RPTOR: variants seen among roughly 807,000 people sequenced by gnomAD.
The protein encoded by RPTOR is regulatory associated protein of MTOR complex 1.
In RPTOR, 21 loss-of-function variants were observed where a neutral mutation model predicts 169.9. That is an observed-to-expected ratio of 0.12 (90% CI 0.09 to 0.18). The LOEUF (loss-of-function observed/expected upper bound fraction) is 0.18, where lower values mean the gene tolerates loss of function less well. Among genes scored for constraint, RPTOR ranks in the 10% least tolerant of loss-of-function variants. The probability of loss-of-function intolerance (pLI) is 1.00; values close to 1 mark genes in which losing one functional copy is unlikely to be tolerated. For synonymous variants in RPTOR, 732 were observed against 753.2 expected, an observed-to-expected ratio of 0.97 and a Z score of 0.46; for missense variants, 1,133 against 1,855.9, an observed-to-expected ratio of 0.61 and a Z score of 7.16.
intron 5 of RPTOR, among the ~76,000 whole-genome samples, chr17:80,750,476 G>A (rs1222837508): frequency 6.6e-6 from 1 of 152,062 alleles, no homozygotes; most frequent in Non-Finnish European, 1.5e-5. Context: ...GCCCCTTTCC[G>A]GAGGCCAGGG....
intron 1 of RPTOR, among the ~76,000 whole-genome samples, chr17:80,582,735 G>A (rs1398505732): frequency 2.0e-5 from 3 of 150,302 alleles, no homozygotes; most frequent in African/African-American, 4.9e-5. Flanking sequence ...CAATAGAGAC[G>A]GGGTTTCACC....
At chr17:80,877,051 T>C (rs1315680307) in intron 13 of RPTOR, among the ~76,000 whole-genome samples, 1 of 147,336 alleles carries the variant, frequency 6.8e-6, no homozygotes, top group Non-Finnish European at 1.5e-5. Context: ...GCCCAGGATG[T>C]GTGTGTGTCG....
intron 24 of RPTOR, among the ~76,000 whole-genome samples, chr17:80,931,393 G>T (rs1339367353): frequency 6.6e-6 from 1 of 152,176 alleles, no homozygotes; most frequent in Non-Finnish European, 1.5e-5. Flanking sequence ...CCTGAAATTG[G>T]CAGTGGTTTG....
chr17:80,592,431 C>T (rs557441706), intron 1 of RPTOR, among the ~76,000 whole-genome samples: 3 of 152,114 alleles, frequency 2.0e-5, no homozygotes, highest in Non-Finnish European at 2.9e-5. Flanking sequence ...AGGGGCAAGA[C>T]GCTGGAGGCT....
rs954167901 is a variant in RPTOR at position 80,957,476 on chromosome 17, A to G, written c.3371-148A>G. 4 of 709,498 alleles carry G rather than the reference A, an allele frequency of 5.6e-6. No individual in the cohort carries two copies. In the African/African-American group the frequency reaches 7.0e-5, roughly 12 times the overall value. 44.0% of individuals were successfully genotyped at this position (709,498 alleles called of 1,614,324 possible). A position where few individuals can be genotyped will look rare whatever the true frequency, so the allele number is the denominator to read the frequency against. ...ACACCAGGGTCCCTAGCGGGAGCTC[A>G]TATGAGGCATATGGACCCACCAGAT... On this transcript the variant is annotated intron_variant, in intron 28 of 33. Coordinates refer to ENST00000306801, the MANE Select transcript of RPTOR (RefSeq NM_020761.3). This position sits in a 1 kb window ranked among gnomAD's most constrained non-coding sequence, Gnocchi z 4.6.
intron 6 of RPTOR, among the ~76,000 whole-genome samples, chr17:80,761,775 C>T (rs1279310647): frequency 2.6e-5 from 4 of 152,186 alleles, no homozygotes; most frequent in South Asian, 2.1e-4. Flanking sequence ...GGTCTTTTGC[C>T]GCTTCCTTTC....
intron 6 of RPTOR, among the ~76,000 whole-genome samples, chr17:80,785,593 T>C (rs921090857): frequency 6.6e-6 from 1 of 152,150 alleles, no homozygotes; most frequent in African/African-American, 2.4e-5. Flanking sequence ...TAGTGAAAAC[T>C]GGTTTCAAGT....
At chr17:80,699,114 G>A (rs920499561) in intron 3 of RPTOR, among the ~76,000 whole-genome samples, 1 of 152,224 alleles carries the variant, frequency 6.6e-6, no homozygotes, top group Non-Finnish European at 1.5e-5. Context: ...AAATGGAATT[G>A]TTTAAAATGC....
chr17:80,618,050 G>A (rs966047467), intron 1 of RPTOR, among the ~76,000 whole-genome samples: 6 of 151,124 alleles, frequency 4.0e-5, no homozygotes, highest in Admixed American at 6.6e-5. Flanking sequence ...GTGTGATCTC[G>A]GCTCACTGTA....
chr17:80,896,343 G>A (rs990435777), intron 20 of RPTOR, among the ~76,000 whole-genome samples: 4 of 151,536 alleles, frequency 2.6e-5, no homozygotes, highest in South Asian at 2.1e-4. Flanking sequence ...ATCCACGGCC[G>A]CGCCGACACC....
rs760888499 is a variant in RPTOR at position 80,665,516 on chromosome 17, TTCCTTTCCATG to T, written c.348+21715_348+21725del. 1.2e-3 allele frequency among the ~76,000 whole-genome samples: 110 copies of T among 93,054 alleles called. 22 individuals are homozygous for T. The highest frequency in any genetic ancestry group is 1.8e-3 in the Non-Finnish European group (86 of 48,266). 61.0% of individuals were successfully genotyped at this position (93,054 alleles called of 152,430 possible). On this transcript the variant is annotated intron_variant, in intron 3 of 33. Transcript: ENST00000306801. ...TCCTTTCCTTTCCATGTCCTTTCCT[TTCCTTTCCATG>T]TCCTTTCCTTTCCTTTTCCTTTCCC...
intron 24 of RPTOR, among the ~76,000 whole-genome samples, chr17:80,935,820 T>C (rs1321287446): frequency 6.6e-6 from 1 of 152,106 alleles, no homozygotes; most frequent in Non-Finnish European, 1.5e-5. Flanking sequence ...AATGTCTTCT[T>C]TAATAAGATG....
chr17:80,795,840 G>A (rs775962648), intron 7 of RPTOR, among the ~76,000 whole-genome samples: 9 of 152,120 alleles, frequency 5.9e-5, no homozygotes, highest in South Asian at 2.1e-4. Context: ...ATCCTGACAC[G>A]ACCTTGGCTC....
Position 80,964,640 on chromosome 17 carries a change from G to A in RPTOR, c.*310G>A, listed in dbSNP as rs2069402105. The stretch of plus-strand genomic sequence containing the variant: ...TCTGTGTTTCTCTGAGACGCTGAAA[G>A]GGGAAACACCTCACTTTATTTCCAT... On this transcript the variant is annotated 3_prime_UTR_variant, in exon 34 of 34. Coordinates refer to ENST00000306801, the MANE Select transcript of RPTOR (RefSeq NM_020761.3). 1 of 441,590 alleles carries A rather than the reference G, an allele frequency of 2.3e-6. No homozygotes were observed. Among genetic ancestry groups the A allele is most frequent in the Admixed American group, 3.7e-5 (1 of 27,254 alleles). The allele number at this position is 441,590 out of a possible 1,614,324, so 27.4% of individuals were successfully genotyped here. A position where few individuals can be genotyped will look rare whatever the true frequency, so the allele number is the denominator to read the frequency against.
intron 6 of RPTOR, among the ~76,000 whole-genome samples, chr17:80,773,273 G>A (rs1328346689): frequency 1.3e-5 from 2 of 152,220 alleles, no homozygotes; most frequent in Non-Finnish European, 2.9e-5. Flanking sequence ...AGGGACTGTG[G>A]TAGAGACACA....
intron 3 of RPTOR, among the ~76,000 whole-genome samples, chr17:80,668,715 C>A (rs957922953): frequency 6.6e-6 from 1 of 152,212 alleles, no homozygotes; most frequent in African/African-American, 2.4e-5. Flanking sequence ...GTCATTATTC[C>A]TCATTGTTTA....
chr17:80,638,861 A>G (rs532505485), intron 2 of RPTOR, among the ~76,000 whole-genome samples: 1 of 152,308 alleles, frequency 6.6e-6, no homozygotes, highest in Non-Finnish European at 1.5e-5. Context: ...GTAATTTTGT[A>G]GCTATGTGAG....
At chr17:80,648,227 TA>T (rs2065611990) in intron 3 of RPTOR, among the ~76,000 whole-genome samples, 1 of 152,108 alleles carries the variant, frequency 6.6e-6, no homozygotes, top group Non-Finnish European at 1.5e-5. Flanking sequence ...AGCTGATGAC[TA>T]TACCTCCTGT....
rs529375943 is a variant in RPTOR, at chr17:80,824,555, C to T, written c.1136+1332C>T. ...AAGGCCTTAAATCCTGTCTCTATTT[C>T]CTCTAAGACAGGTTATTGTAATACA... is the stretch of plus-strand genomic sequence containing the variant. On this transcript the variant is annotated intron_variant, in intron 9 of 33. Transcript: ENST00000306801. 4.6e-5 allele frequency among the ~76,000 whole-genome samples: 7 copies of T among 152,078 alleles called. No individual in the cohort carries two copies. The South Asian group carries it at 1.5e-3, about 32-fold the overall frequency.
Sources: allele counts gnomAD v4.1 joint callset (sites outside exome capture counted in the v4.1 genomes callset), GRCh38; gene constraint gnomAD v4.1.1; non-coding constraint Gnocchi (gnomAD v3.1); transcripts MANE v1.5; gene names NCBI Gene and HGNC (gene_info 2026-07-23, HGNC 2026-07-21).